Variants in COL4A5 observed in about 807,000 individuals in gnomAD.
The protein encoded by COL4A5 is collagen alpha-5(IV) chain.
COL4A5 carries 26 observed loss-of-function variants against 130.2 expected under a neutral mutation model. The ratio of observed to expected loss-of-function variants is 0.20; its 90% CI spans 0.15 to 0.28. COL4A5 has a LOEUF of 0.28. COL4A5 is among the 10% of genes least tolerant of loss of function. The pLI, the probability that COL4A5 is intolerant of heterozygous loss-of-function variation, is 1.00. For missense variants in COL4A5, 1,131 were observed against 1,344.3 expected, an observed-to-expected ratio of 0.84 and a Z score of 2.48; for synonymous variants, 496 against 439.6, an observed-to-expected ratio of 1.13 and a Z score of -1.60.
chrX:108,582,695 C>CTTT, intron 16 of COL4A5, 189 bp from the exon 17 acceptor site: 13 of 248,166 alleles, frequency 5.2e-5, no homozygotes, highest in Non-Finnish European at 7.0e-5. Context: ...CAAGATTCAG[C>CTTT]TTTTTTTTTT....
intron 1 of COL4A5, among the ~76,000 whole-genome samples, chrX:108,474,147 C>T (rs2064809369): frequency 9.0e-6 from 1 of 111,349 alleles, no homozygotes; most frequent in Non-Finnish European, 1.9e-5. Flanking sequence ...CAGCAATATC[C>T]TAGTTCTTCA....
chrX:108,535,491 AG>A lies in COL4A5; in HGVS notation c.82-4254del, dbSNP rs749489457. 3.6e-5 allele frequency among the ~76,000 whole-genome samples: 4 copies of A among 111,030 alleles called. No homozygotes were observed. In the South Asian group the frequency reaches 1.5e-3, roughly 41 times the overall value. ...CAGTATGTATTTTTGCCCAGCCTCT[AG>A]AAGGTCAATGCAGTCAGAGTCCACT... is the stretch of plus-strand genomic sequence containing the variant. On this transcript the variant is annotated intron_variant, in intron 1 of 52. Transcript: ENST00000328300.
chrX:108,687,905 G>T (rs967431778), intron 49 of COL4A5, among the ~76,000 whole-genome samples: 1 of 112,084 alleles, frequency 8.9e-6, no homozygotes, highest in African/African-American at 3.2e-5. Flanking sequence ...ATTAGCTCTT[G>T]TGAGGTACAA....
intron 2 of COL4A5, among the ~76,000 whole-genome samples, chrX:108,558,380 A>G (rs73526256): frequency 0.1 from 11,310 of 109,254 alleles, 1,289 homozygotes; most frequent in African/African-American, 0.34. Context: ...CACCTTTCTG[A>G]CTGTACAGAT....
intron 2 of COL4A5, among the ~76,000 whole-genome samples, chrX:108,541,968 A>G (rs1241454158): frequency 8.9e-6 from 1 of 112,251 alleles, no homozygotes; most frequent in Non-Finnish European, 1.9e-5. Context: ...AGACCAATCA[A>G]TGAAAACCAA....
chrX:108,614,192 A>C (rs1448673545), intron 29 of COL4A5, among the ~76,000 whole-genome samples: 1 of 112,353 alleles, frequency 8.9e-6, no homozygotes, highest in Non-Finnish European at 1.9e-5. Context: ...ATATGATTGC[A>C]TTTGTATGAC....
intron 2 of COL4A5, among the ~76,000 whole-genome samples, chrX:108,542,821 C>G (rs2065569835): frequency 9.4e-6 from 1 of 106,261 alleles, no homozygotes; most frequent in African/African-American, 3.6e-5. Context: ...GAGATGGTAT[C>G]TCATTGTGGT....
At chrX:108,674,037 G>C in intron 42 of COL4A5, among the ~76,000 whole-genome samples, 1 of 108,777 alleles carries the variant, frequency 9.2e-6, no homozygotes, top group East Asian at 2.9e-4. Context: ...GTGAGACTCT[G>C]TCCAAATAAT....
chrX:108,481,470 A>C (rs2064890557), intron 1 of COL4A5, among the ~76,000 whole-genome samples: 1 of 111,533 alleles, frequency 9.0e-6, no homozygotes, highest in African/African-American at 3.3e-5. Context: ...TTATAATTCA[A>C]ATTAGGCTTT....
At chrX:108,576,030 A>G (rs1172834072) in intron 10 of COL4A5, 58 bp downstream of exon 10, 1 of 675,591 alleles carries the variant, frequency 1.5e-6, no homozygotes, top group Non-Finnish European at 2.3e-6. Flanking sequence ...TCTTTCAGGA[A>G]TATTAATATT....
At chrX:108,668,284 A>T (rs368296522) in intron 40 of COL4A5, 35 bp from the exon 41 acceptor site, 133 of 1,150,493 alleles carry the variant, frequency 1.2e-4, no homozygotes, top group Non-Finnish European at 1.4e-4. Context: ...GTAACTCGGT[A>T]TTATTTATCT....
intron 28 of COL4A5, among the ~76,000 whole-genome samples, chrX:108,603,553 T>C (rs2066679035): frequency 8.9e-6 from 1 of 112,422 alleles, no homozygotes; most frequent in South Asian, 3.6e-4. Context: ...AGCAATCATC[T>C]AAGCTTGCAG....
chrX:108,530,226 A>G (rs1294339970), intron 1 of COL4A5, among the ~76,000 whole-genome samples: 4 of 111,946 alleles, frequency 3.6e-5, no homozygotes, highest in Non-Finnish European at 5.6e-5. Flanking sequence ...TTGGAATAAA[A>G]CTAGAAATCA....
At chrX:108,650,818 C>T (rs748304030) in intron 36 of COL4A5, among the ~76,000 whole-genome samples, 35 of 109,875 alleles carry the variant, frequency 3.2e-4, no homozygotes, top group African/African-American at 1.1e-3. Context: ...ACTGCAAATA[C>T]GGCACAGTGT....
chrX:108,647,660 A>G (rs1449918979), intron 36 of COL4A5, among the ~76,000 whole-genome samples: 1 of 111,604 alleles, frequency 9.0e-6, no homozygotes, highest in African/African-American at 3.3e-5. Flanking sequence ...GTCTTGTGCC[A>G]GTTTTCAAAG....
intron 42 of COL4A5, 37 bp downstream of exon 42, chrX:108,670,273 G>A: frequency 8.3e-7 from 1 of 1,208,803 alleles, no homozygotes; most frequent in Non-Finnish European, 1.1e-6. Flanking sequence ...ACTGCATGAA[G>A]TTTGAAACTT....
chrX:108,467,278 G>T (rs940909861), intron 1 of COL4A5, among the ~76,000 whole-genome samples: 1 of 111,714 alleles, frequency 9.0e-6, no homozygotes, highest in African/African-American at 3.3e-5. Context: ...TCATTGACTA[G>T]TCTAGGCACC....
chrX:108,606,630 A>G, intron 28 of COL4A5, 112 bp from the exon 29 acceptor site: 1 of 837,263 alleles, frequency 1.2e-6, no homozygotes, highest in Non-Finnish European at 1.8e-6. Context: ...CTCTCCCCCC[A>G]TGGAAGGAAA....
At chrX:108,477,437 G>A (rs1013533348) in intron 1 of COL4A5, among the ~76,000 whole-genome samples, 2 of 111,474 alleles carry the variant, frequency 1.8e-5, no homozygotes, top group South Asian at 3.8e-4. Flanking sequence ...TCAATAAATC[G>A]TACATCACAT....
Sources: gnomAD v4.1 joint callset for allele counts (sites outside exome capture counted in the v4.1 genomes callset) on GRCh38, gnomAD v4.1.1 for gene constraint, MANE v1.5 for transcripts, NCBI Gene and HGNC (gene_info 2026-07-23, HGNC 2026-07-21) for gene names.